UNC5D: variants seen among roughly 807,000 people sequenced by gnomAD.
UNC5D encodes the protein netrin receptor UNC5D.
UNC5D carries 39 observed loss-of-function variants against 105.4 expected under a neutral mutation model. The observed-to-expected ratio is 0.37, with a 90% CI of 0.29 to 0.48. The LOEUF is 0.48. UNC5D is among the 20% of genes least tolerant of loss of function. UNC5D has a pLI of 0.98. For synonymous variants in UNC5D, 452 were observed against 450.4 expected, an observed-to-expected ratio of 1.00 and a Z score of -0.04; for missense variants, 991 against 1,202.4, an observed-to-expected ratio of 0.82 and a Z score of 2.60.
At chr8:35,427,375 CTTGCT>C (rs1806323878) in intron 1 of UNC5D, among the ~76,000 whole-genome samples, 3 of 152,230 alleles carry the variant, frequency 2.0e-5, no homozygotes, top group Admixed American at 2.0e-4. Context: ...TGGGTGGCAT[CTTGCT>C]AGATGGGAAA....
At chr8:35,437,494 G>A (rs1807098239) in intron 1 of UNC5D, among the ~76,000 whole-genome samples, 2 of 152,056 alleles carry the variant, frequency 1.3e-5, no homozygotes, top group South Asian at 4.1e-4. Flanking sequence ...GGTATCTGAT[G>A]AATACCTATT....
intron 1 of UNC5D, among the ~76,000 whole-genome samples, chr8:35,512,562 TA>T (rs1563488434): frequency 1.0e-5 from 1 of 96,044 alleles, no homozygotes; most frequent in African/African-American, 4.8e-5. Context: ...TATATATATA[TA>T]TATATATCTG....
chr8:35,491,100 T>C (rs1307727927), intron 1 of UNC5D, among the ~76,000 whole-genome samples: 1 of 152,164 alleles, frequency 6.6e-6, no homozygotes, highest in African/African-American at 2.4e-5. Flanking sequence ...TTAATATTAC[T>C]TATTAAGGGT....
intron 1 of UNC5D, among the ~76,000 whole-genome samples, chr8:35,473,953 G>A (rs955846867): frequency 6.6e-6 from 1 of 152,142 alleles, no homozygotes; most frequent in African/African-American, 2.4e-5. Flanking sequence ...GAAAGCAAGA[G>A]GACAAGAGGA....
At chr8:35,392,041 G>T (rs1433661020) in intron 1 of UNC5D, among the ~76,000 whole-genome samples, 1 of 152,136 alleles carries the variant, frequency 6.6e-6, no homozygotes, top group African/African-American at 2.4e-5. Context: ...TAATAACACA[G>T]ATTTCTTTTA....
chr8:35,397,411 G>T (rs1285526158), intron 1 of UNC5D, among the ~76,000 whole-genome samples: 1 of 152,196 alleles, frequency 6.6e-6, no homozygotes, highest in Non-Finnish European at 1.5e-5. Flanking sequence ...CCAGGCAAGG[G>T]CCAGCCTAGT....
At chr8:35,431,120 G>T (rs1185017026) in intron 1 of UNC5D, among the ~76,000 whole-genome samples, 2 of 152,268 alleles carry the variant, frequency 1.3e-5, no homozygotes, top group East Asian at 1.9e-4. Flanking sequence ...CTGTTAATAA[G>T]ATAAACCAGG....
chr8:35,360,606 T>G (rs1361832020), intron 1 of UNC5D, among the ~76,000 whole-genome samples: 2 of 152,192 alleles, frequency 1.3e-5, no homozygotes, highest in Non-Finnish European at 2.9e-5. Flanking sequence ...GAAAATTGTC[T>G]TCTATGTTCT....
chr8:35,492,370 T>C (rs897236549), intron 1 of UNC5D, among the ~76,000 whole-genome samples: 1 of 152,112 alleles, frequency 6.6e-6, no homozygotes, highest in Non-Finnish European at 1.5e-5. Context: ...TGTCAGAGCA[T>C]TTTGAGAAGG....
At chr8:35,631,982 G>A (rs1240936191) in intron 4 of UNC5D, among the ~76,000 whole-genome samples, 1 of 152,082 alleles carries the variant, frequency 6.6e-6, no homozygotes, top group Non-Finnish European at 1.5e-5. Context: ...TTTCTCACTG[G>A]GGCACATGTA....
At chr8:35,272,335 G>A (rs948835964) in intron 1 of UNC5D, among the ~76,000 whole-genome samples, 3 of 152,120 alleles carry the variant, frequency 2.0e-5, no homozygotes, top group Admixed American at 6.5e-5. Flanking sequence ...TGGGCTCTGA[G>A]TGCAGACCAG....
At chr8:35,720,264 A>T (rs1586524005) in intron 8 of UNC5D, among the ~76,000 whole-genome samples, 1 of 152,162 alleles carries the variant, frequency 6.6e-6, no homozygotes, top group East Asian at 1.9e-4. Flanking sequence ...GTACCTGGAA[A>T]ACTGAGGATG....
chr8:35,273,015 T>C (rs1805524451), intron 1 of UNC5D, among the ~76,000 whole-genome samples: 1 of 152,182 alleles, frequency 6.6e-6, no homozygotes, highest in African/African-American at 2.4e-5. Flanking sequence ...GTCTAAGCAA[T>C]TGCTCTAAGC....
chr8:35,366,753 A>G (rs1001776521), intron 1 of UNC5D, among the ~76,000 whole-genome samples: 1 of 152,144 alleles, frequency 6.6e-6, no homozygotes, highest in Non-Finnish European at 1.5e-5. Flanking sequence ...TATGGATATA[A>G]TTGGAAATGT....
chr8:35,400,474 G>A (rs905852883), intron 1 of UNC5D, among the ~76,000 whole-genome samples: 1 of 152,082 alleles, frequency 6.6e-6, no homozygotes, highest in African/African-American at 2.4e-5. Context: ...TTGTCAGGCA[G>A]GGACACTTTC....
chr8:35,248,290 G>T lies in UNC5D; in HGVS notation c.103+12403G>T, dbSNP rs1266464655. 1.8e-5 allele frequency among the ~76,000 whole-genome samples: 2 copies of T among 109,142 alleles called. 1 individual carries two copies. Among genetic ancestry groups the T allele is most frequent in the African/African-American group, 8.0e-5 (2 of 24,962 alleles). The allele number at this position is 109,142 out of a possible 152,430, so 71.6% of individuals were successfully genotyped here. ...TAAAATATATAATATATAAATATAT[G>T]TTATATAAAATATATAATATATAAA... On this transcript the variant is annotated intron_variant, in intron 1 of 16. Coordinates refer to ENST00000404895, the MANE Select transcript of UNC5D (RefSeq NM_080872.4).
chr8:35,528,058 T>G (rs947315666), intron 1 of UNC5D, among the ~76,000 whole-genome samples: 119 of 151,174 alleles, frequency 7.9e-4, no homozygotes, highest in African/African-American at 2.6e-3. Context: ...TTTTTTTTTT[T>G]TTTATACTTT....
At chr8:35,639,192 G>T (rs532539646) in intron 4 of UNC5D, among the ~76,000 whole-genome samples, 1 of 152,182 alleles carries the variant, frequency 6.6e-6, no homozygotes, top group Admixed American at 6.5e-5. Flanking sequence ...CCACTCAAAG[G>T]CCTGTGCAAC....
At chr8:35,673,257 G>A (rs1312328095) in intron 4 of UNC5D, among the ~76,000 whole-genome samples, 1 of 152,144 alleles carries the variant, frequency 6.6e-6, no homozygotes, top group Non-Finnish European at 1.5e-5. Context: ...AAGGAGAGAG[G>A]AGAGGACAGG....
Sources: gnomAD v4.1 joint callset for allele counts (sites outside exome capture counted in the v4.1 genomes callset) on GRCh38, gnomAD v4.1.1 for gene constraint, MANE v1.5 for transcripts, NCBI Gene and HGNC (gene_info 2026-07-23, HGNC 2026-07-21) for gene names.